SKAP1: variants seen among roughly 807,000 people sequenced by gnomAD.
The protein encoded by SKAP1 is src kinase-associated phosphoprotein 1.
SKAP1 carries 44 observed loss-of-function variants against 58.5 expected under a neutral mutation model. That is an observed-to-expected ratio of 0.75 (90% CI 0.59 to 0.97). SKAP1 has a LOEUF of 0.97. Ranked by LOEUF, SKAP1 falls within the 50% of genes least tolerant of loss-of-function variation. The pLI, the probability that SKAP1 is intolerant of heterozygous loss-of-function variation, is 0.00. For missense variants in SKAP1, 390 were observed against 435.2 expected (o/e 0.90, Z 0.92); for synonymous variants, 127 against 149.7 (o/e 0.85, Z 1.11).
intron 3 of SKAP1, among the ~76,000 whole-genome samples, chr17:48,348,868 CCT>C (rs1160538898): frequency 2.0e-5 from 3 of 152,180 alleles, no homozygotes; most frequent in Non-Finnish European, 4.4e-5. Context: ...TGAGACAGTT[CCT>C]CTGTAAAGTA....
chr17:48,421,546 C>A (rs2067793819), intron 1 of SKAP1, among the ~76,000 whole-genome samples: 1 of 152,078 alleles, frequency 6.6e-6, no homozygotes, highest in Non-Finnish European at 1.5e-5. Context: ...TTCAGGTGAT[C>A]TACCCACCTT....
chr17:48,271,362 C>CT (rs35447830), intron 4 of SKAP1, among the ~76,000 whole-genome samples: 13,565 of 106,442 alleles, frequency 0.13, 1,165 homozygotes, highest in Non-Finnish European at 0.18. Context: ...TTCTTTGTTT[C>CT]TTTTTTTTTT....
chr17:48,244,927 A>G (rs2065279356), intron 4 of SKAP1, among the ~76,000 whole-genome samples: 1 of 152,240 alleles, frequency 6.6e-6, no homozygotes, highest in Non-Finnish European at 1.5e-5. Flanking sequence ...TAAAACCTGG[A>G]CCATAATCGT....
At chr17:48,218,551 A>T (rs2064967173) in intron 4 of SKAP1, among the ~76,000 whole-genome samples, 1 of 152,226 alleles carries the variant, frequency 6.6e-6, no homozygotes, top group Admixed American at 6.5e-5. Flanking sequence ...GTTCTAGTGA[A>T]TTCTAAATTT....
At chr17:48,154,795 AC>A (rs2063950687) in intron 11 of SKAP1, among the ~76,000 whole-genome samples, 2 of 152,260 alleles carry the variant, frequency 1.3e-5, no homozygotes, top group Admixed American at 1.3e-4. Context: ...GTGGTGGCTC[AC>A]ACCTGTAATC....
At chr17:48,373,765 A>G (rs1283124537) in intron 2 of SKAP1, among the ~76,000 whole-genome samples, 1 of 152,202 alleles carries the variant, frequency 6.6e-6, no homozygotes, top group African/African-American at 2.4e-5. Context: ...CTTGCCCCAC[A>G]CCCACCAAAA....
At chr17:48,198,934 G>A (rs1488988528) in intron 4 of SKAP1, among the ~76,000 whole-genome samples, 1 of 152,196 alleles carries the variant, frequency 6.6e-6, no homozygotes. Context: ...TTCTAAAAAG[G>A]AGAAGAGGAT....
upstream of SKAP1, among the ~76,000 whole-genome samples, chr17:48,434,574 C>T (rs2067931729): frequency 6.6e-6 from 1 of 152,276 alleles, no homozygotes; most frequent in African/African-American, 2.4e-5. Context: ...TCTCATATCA[C>T]ATCAGGAAAC....
chr17:48,158,581 A>AAG (rs2064022757), intron 11 of SKAP1, among the ~76,000 whole-genome samples: 1 of 148,582 alleles, frequency 6.7e-6, no homozygotes, highest in Non-Finnish European at 1.5e-5. Context: ...AAAAAAAAAA[A>AAG]AAAGAAAAAA....
intron 4 of SKAP1, among the ~76,000 whole-genome samples, chr17:48,250,541 A>G (rs527940482): frequency 1.6e-4 from 25 of 151,938 alleles, no homozygotes; most frequent in Admixed American, 3.3e-4. Flanking sequence ...TCAGCTTCCC[A>G]AAGTGCTGGG....
intron 4 of SKAP1, among the ~76,000 whole-genome samples, chr17:48,225,462 CTG>C (rs1201564686): frequency 6.6e-6 from 1 of 152,070 alleles, no homozygotes; most frequent in Admixed American, 6.5e-5. Context: ...GCTTGAAATA[CTG>C]TGTGTGAAAT....
intron 11 of SKAP1, among the ~76,000 whole-genome samples, chr17:48,146,669 C>T (rs2063836547): frequency 6.6e-6 from 1 of 151,740 alleles, no homozygotes; most frequent in African/African-American, 2.4e-5. Flanking sequence ...CTCTTTGTCA[C>T]CCAGGCTGGA....
chr17:48,350,359 C>T (rs1023038864), intron 3 of SKAP1, among the ~76,000 whole-genome samples: 2 of 152,172 alleles, frequency 1.3e-5, no homozygotes, highest in Non-Finnish European at 2.9e-5. Flanking sequence ...TATAAAGACT[C>T]TATTCATATT....
chr17:48,219,413 T>G (rs924950722), intron 4 of SKAP1, among the ~76,000 whole-genome samples: 2 of 152,250 alleles, frequency 1.3e-5, no homozygotes, highest in Non-Finnish European at 2.9e-5. Context: ...GCACCAGTTC[T>G]GCCTATTTCT....
Position 48,219,211 on chromosome 17 carries a change from C to T in SKAP1, c.281-29711G>A, listed in dbSNP as rs540517302. 2.1e-3 allele frequency among the ~76,000 whole-genome samples: 316 copies of T among 152,208 alleles called. 2 individuals are homozygous for T. The highest frequency in any genetic ancestry group is 7.3e-3 in the African/African-American group (304 of 41,534). The stretch of plus-strand genomic sequence containing the variant: ...CTCTAGATTTATTGAAAATTGTATT[C>T]CATTGTTGAGAAACTAAAACCCAGG... On this transcript the variant is annotated intron_variant, in intron 4 of 12. Transcript: ENST00000336915.
intron 3 of SKAP1, among the ~76,000 whole-genome samples, chr17:48,347,556 AAAT>A (rs1174296252): frequency 6.6e-6 from 1 of 152,210 alleles, no homozygotes; most frequent in Non-Finnish European, 1.5e-5. Context: ...GAACACCTAC[AAAT>A]ATAGGACTTT....
the SKAP1 span, among the ~76,000 whole-genome samples, chr17:48,435,496 ATT>A: frequency 6.6e-6 from 1 of 152,218 alleles, no homozygotes; most frequent in African/African-American, 2.4e-5. Context: ...GCTAAGACTA[ATT>A]TTATAGACTA....
chr17:48,257,603 CTT>C lies in SKAP1; in HGVS notation c.281-68105_281-68104del, dbSNP rs371152261. On this transcript the variant is annotated intron_variant, in intron 4 of 12. Transcript: ENST00000336915. ...AAGATGGTTAGCAGCTTAATATACT[CTT>C]TTCTTTTCTTTTTTCTTTCTTTCTT... is the stretch of plus-strand genomic sequence containing the variant. 4.2e-3 allele frequency among the ~76,000 whole-genome samples: 596 copies of C among 141,160 alleles called. 2 individuals carry two copies. The highest frequency in any genetic ancestry group is 0.014 in the African/African-American group (544 of 38,316). The allele number at this position is 141,160 out of a possible 152,430, so 92.6% of individuals were successfully genotyped here.
intron 4 of SKAP1, among the ~76,000 whole-genome samples, chr17:48,223,874 T>C (rs1018059503): frequency 6.6e-6 from 1 of 152,066 alleles, no homozygotes; most frequent in African/African-American, 2.4e-5. Flanking sequence ...AGATGGCCTC[T>C]AGCTGAATAT....
Sources: gnomAD v4.1 joint callset for allele counts (sites outside exome capture counted in the v4.1 genomes callset) on GRCh38, gnomAD v4.1.1 for gene constraint, MANE v1.5 for transcripts, NCBI Gene and HGNC (gene_info 2026-07-23, HGNC 2026-07-21) for gene names.